CADM2: variants seen among roughly 807,000 people sequenced by gnomAD.
CADM2 encodes the protein cell adhesion molecule 2.
In CADM2, 12 loss-of-function variants were observed where a neutral mutation model predicts 49.8. The ratio of observed to expected loss-of-function variants is 0.24; its 90% CI spans 0.15 to 0.39. The LOEUF is 0.39. Among genes scored for constraint, CADM2 ranks in the 10% least tolerant of loss-of-function variants. CADM2 has a pLI of 1.00. For missense variants in CADM2, 378 were observed against 492.3 expected (o/e 0.77, Z 2.20); for synonymous variants, 214 against 175.4 (o/e 1.22, Z -1.74).
intron 8 of CADM2, among the ~76,000 whole-genome samples, chr3:85,970,618 A>T (rs556699457): frequency 6.6e-6 from 1 of 150,848 alleles, no homozygotes; most frequent in African/African-American, 2.5e-5. Flanking sequence ...TTGTATTTCA[A>T]TATAGAATAT....
At chr3:85,554,970 C>A (rs956116558) in intron 1 of CADM2, among the ~76,000 whole-genome samples, 1 of 151,364 alleles carries the variant, frequency 6.6e-6, no homozygotes, top group Non-Finnish European at 1.5e-5. Context: ...CTCACCTTGG[C>A]CTCACAAAGT....
At chr3:85,076,629 G>A (rs1207961993) in intron 1 of CADM2, among the ~76,000 whole-genome samples, 1 of 151,924 alleles carries the variant, frequency 6.6e-6, no homozygotes, top group African/African-American at 2.4e-5. Context: ...TTACAGGCAT[G>A]AGCCACCACA....
intron 1 of CADM2, among the ~76,000 whole-genome samples, chr3:85,459,405 G>A (rs1022315928): frequency 8.5e-5 from 13 of 152,184 alleles, no homozygotes; most frequent in Non-Finnish European, 1.3e-4. Context: ...GACTAGAAAT[G>A]GGAGTGTGTG....
intron 1 of CADM2, among the ~76,000 whole-genome samples, chr3:85,574,136 C>T (rs758926668): frequency 2.0e-5 from 3 of 152,176 alleles, no homozygotes; most frequent in Non-Finnish European, 4.4e-5. Context: ...AAGCAAACAC[C>T]ATATTTCTAG....
At chr3:85,793,609 C>T (rs568216712) in intron 2 of CADM2, among the ~76,000 whole-genome samples, 1 of 152,286 alleles carries the variant, frequency 6.6e-6, no homozygotes, top group Admixed American at 6.5e-5. Flanking sequence ...AGCTGCCAAC[C>T]TATGTCACTG....
At chr3:85,594,687 C>T (rs572946054) in intron 1 of CADM2, among the ~76,000 whole-genome samples, 3 of 152,048 alleles carry the variant, frequency 2.0e-5, no homozygotes, top group East Asian at 1.9e-4. Flanking sequence ...GAGCATATGA[C>T]ACAGTTACCA....
chr3:85,167,175 C>T (rs1285262071), intron 1 of CADM2, among the ~76,000 whole-genome samples: 1 of 151,958 alleles, frequency 6.6e-6, no homozygotes, highest in Non-Finnish European at 1.5e-5. Flanking sequence ...ATTCCAGTAT[C>T]AAAAGGTGAC....
chr3:85,399,020 G>C (rs1462357132), intron 1 of CADM2, among the ~76,000 whole-genome samples: 2 of 152,162 alleles, frequency 1.3e-5, no homozygotes, highest in Non-Finnish European at 2.9e-5. Flanking sequence ...GATCCCATTT[G>C]TCAATTCTGG....
At chr3:85,074,796 C>T (rs1012021650) in intron 1 of CADM2, among the ~76,000 whole-genome samples, 2 of 151,842 alleles carry the variant, frequency 1.3e-5, no homozygotes, top group African/African-American at 4.8e-5. Flanking sequence ...TTTGTTCTCA[C>T]GTATATCAGT....
intron 8 of CADM2, among the ~76,000 whole-genome samples, chr3:86,016,779 T>C (rs1170048395): frequency 1.3e-5 from 2 of 152,202 alleles, no homozygotes; most frequent in Admixed American, 6.5e-5. Context: ...GATTAATATG[T>C]CGCTGCTATA....
At chr3:85,838,443 G>A (rs1577443039) in intron 3 of CADM2, among the ~76,000 whole-genome samples, 4 of 151,838 alleles carry the variant, frequency 2.6e-5, no homozygotes, top group Admixed American at 2.6e-4. Flanking sequence ...ACCCACCTTG[G>A]AAGCTGTTGT....
intron 1 of CADM2, among the ~76,000 whole-genome samples, chr3:85,601,171 T>TACAC (rs1213000087): frequency 6.0e-4 from 60 of 100,094 alleles, no homozygotes; most frequent in East Asian, 9.9e-4. Flanking sequence ...TATATATATA[T>TACAC]ATACACACAC....
At chr3:85,128,616 T>C (rs1458384671) in intron 1 of CADM2, among the ~76,000 whole-genome samples, 1 of 152,122 alleles carries the variant, frequency 6.6e-6, no homozygotes, top group Non-Finnish European at 1.5e-5. Context: ...TGTCAAGATA[T>C]CTCATTTACA....
At chr3:85,043,725 G>A (rs561046599) in intron 1 of CADM2, among the ~76,000 whole-genome samples, 1 of 151,972 alleles carries the variant, frequency 6.6e-6, no homozygotes, top group South Asian at 2.1e-4. Context: ...GGCACCATAT[G>A]TTTCTCCTTA....
intron 1 of CADM2, among the ~76,000 whole-genome samples, chr3:85,565,760 G>T (rs933286125): frequency 3.9e-5 from 6 of 152,114 alleles, no homozygotes; most frequent in Middle Eastern, 3.4e-3. Context: ...AATCCAGTGA[G>T]ATTATGTACT....
At position 86,069,817 on chromosome 3, in the gene CADM2, C is replaced by G. The variant is rs377601157; in HGVS notation, c.*3034C>G. On this transcript the variant is annotated 3_prime_UTR_variant, in exon 10 of 10. Transcript: ENST00000383699. Reference sequence around the variant, plus strand: ...GTCCTCCGTCAAAATCAAGTCTAAGCGGCATTTTACTTTTCTTTTCTTTTT... The same window carrying G: ...GTCCTCCGTCAAAATCAAGTCTAAGGGGCATTTTACTTTTCTTTTCTTTTT... 2.6e-5 allele frequency: 4 copies of G among 151,946 alleles called. No individual in the cohort carries two copies. The highest frequency in any genetic ancestry group is 2.6e-4 in the Admixed American group (4 of 15,234). The allele number at this position is 151,946 out of a possible 1,614,324, so 9.4% of individuals were successfully genotyped here.
intron 1 of CADM2, among the ~76,000 whole-genome samples, chr3:85,174,583 G>T (rs1002450897): frequency 5.3e-5 from 8 of 151,386 alleles, no homozygotes; most frequent in Admixed American, 5.3e-4. Flanking sequence ...TTAAGGATTA[G>T]GGTGACCGTA....
At chr3:85,796,166 A>G (rs1355452954) in intron 2 of CADM2, among the ~76,000 whole-genome samples, 1 of 152,160 alleles carries the variant, frequency 6.6e-6, no homozygotes, top group Non-Finnish European at 1.5e-5. Flanking sequence ...TTTATTAGCA[A>G]TTGCGTGCTT....
intron 1 of CADM2, among the ~76,000 whole-genome samples, chr3:85,218,521 A>C (rs527400099): frequency 6.6e-6 from 1 of 152,080 alleles, no homozygotes; most frequent in Non-Finnish European, 1.5e-5. Flanking sequence ...AGGGAGGTAA[A>C]GTGTACAGGC....
Sources: gnomAD v4.1 joint callset for allele counts (sites outside exome capture counted in the v4.1 genomes callset) on GRCh38, gnomAD v4.1.1 for gene constraint, MANE v1.5 for transcripts, NCBI Gene and HGNC (gene_info 2026-07-23, HGNC 2026-07-21) for gene names.